LRP1B: variants seen among roughly 807,000 people sequenced by gnomAD.
The protein encoded by LRP1B is LDL receptor related protein 1B.
Under a neutral mutation model 556.6 loss-of-function variants are expected in LRP1B, and 217 were observed. The ratio of observed to expected loss-of-function variants is 0.39; its 90% CI spans 0.35 to 0.44. The LOEUF (loss-of-function observed/expected upper bound fraction) is 0.44, where lower values mean the gene tolerates loss of function less well. Ranked by LOEUF, LRP1B falls within the 20% of genes least tolerant of loss-of-function variation. The pLI, the probability that LRP1B is intolerant of heterozygous loss-of-function variation, is 1.00. For synonymous variants in LRP1B, 2,047 were observed against 1,865.8 expected, an observed-to-expected ratio of 1.10 and a Z score of -2.50; for missense variants, 5,053 against 5,620.8, an observed-to-expected ratio of 0.90 and a Z score of 3.23.
chr2:140,447,399 T>G (rs888474051), intron 63 of LRP1B, among the ~76,000 whole-genome samples: 1 of 152,118 alleles, frequency 6.6e-6, no homozygotes, highest in African/African-American at 2.4e-5. Context: ...TCATACTTTT[T>G]TTTTTGGTTT....
chr2:141,371,048 A>C (rs1689213694), intron 3 of LRP1B, among the ~76,000 whole-genome samples: 1 of 151,982 alleles, frequency 6.6e-6, no homozygotes, highest in Admixed American at 6.6e-5. Context: ...CAGTGGCGTG[A>C]TCTCGGCTCA....
chr2:140,803,169 C>T (rs1429963602), intron 32 of LRP1B, among the ~76,000 whole-genome samples: 2 of 151,492 alleles, frequency 1.3e-5, no homozygotes. Context: ...TTTCTAATGC[C>T]ATGGCATTAT....
intron 66 of LRP1B, among the ~76,000 whole-genome samples, chr2:140,411,518 C>A (rs1684968324): frequency 6.6e-6 from 1 of 152,036 alleles, no homozygotes; most frequent in Admixed American, 6.6e-5. Flanking sequence ...CACAAATAAT[C>A]TAATCCAAGT....
In LRP1B at chr2:140,784,245, C is replaced by T. The variant is rs184860937; in HGVS notation, c.5360-8007G>A. Among the ~76,000 whole-genome samples the T allele has an allele frequency of 3.1e-4, 47 of 152,102 alleles. No homozygotes were observed. The East Asian group carries it at 8.3e-3, about 27-fold the overall frequency. On this transcript the variant is annotated intron_variant, in intron 32 of 90. Transcript: ENST00000389484. ...TAACTGCTAAATTAGACCTCAGTCC[C>T]CTACCCTGACTTTTGGGGAGGCTGA...
intron 41 of LRP1B, among the ~76,000 whole-genome samples, chr2:140,634,995 C>A (rs1402336900): frequency 6.6e-6 from 1 of 152,006 alleles, no homozygotes; most frequent in Admixed American, 6.6e-5. Context: ...TCAATTGTAA[C>A]AAACACATGA....
intron 29 of LRP1B, among the ~76,000 whole-genome samples, chr2:140,843,557 A>G (rs1692186622): frequency 6.6e-6 from 1 of 152,110 alleles, no homozygotes; most frequent in Non-Finnish European, 1.5e-5. Flanking sequence ...CACTTTAACC[A>G]TATTAATATG....
At chr2:141,329,029 A>T (rs550443126) in intron 3 of LRP1B, among the ~76,000 whole-genome samples, 2 of 152,338 alleles carry the variant, frequency 1.3e-5, no homozygotes, top group East Asian at 3.9e-4. Flanking sequence ...TTTCAACTCT[A>T]ATTGCAATGA....
At chr2:141,710,491 A>G (rs926288597) in intron 2 of LRP1B, among the ~76,000 whole-genome samples, 7 of 152,158 alleles carry the variant, frequency 4.6e-5, no homozygotes, top group African/African-American at 1.7e-4. Flanking sequence ...GCTTTTGAGC[A>G]TGGAAATGTG....
intron 7 of LRP1B, among the ~76,000 whole-genome samples, chr2:141,101,358 T>C (rs981211732): frequency 1.6e-4 from 25 of 152,072 alleles, no homozygotes; most frequent in Non-Finnish European, 2.9e-4. Flanking sequence ...CATCTCTATC[T>C]CACCACTCTA....
At chr2:141,240,359 T>C (rs1017780049) in intron 5 of LRP1B, among the ~76,000 whole-genome samples, 1 of 131,410 alleles carries the variant, frequency 7.6e-6, no homozygotes, top group Non-Finnish European at 1.7e-5. Context: ...AAATCAATTT[T>C]TTTTTCTTAA....
chr2:140,808,691 CT>C (rs1690814252), intron 32 of LRP1B, among the ~76,000 whole-genome samples: 1 of 152,132 alleles, frequency 6.6e-6, no homozygotes, highest in Admixed American at 6.5e-5. Context: ...ATAGTGAGCA[CT>C]GATAAATGCT....
intron 2 of LRP1B, among the ~76,000 whole-genome samples, chr2:141,768,447 A>C (rs1056327208): frequency 6.6e-6 from 1 of 152,088 alleles, no homozygotes; most frequent in Non-Finnish European, 1.5e-5. Flanking sequence ...TTCCAGTATA[A>C]GTTTTAAAGG....
At chr2:140,907,803 A>G in intron 22 of LRP1B, 74 bp downstream of exon 22, 2 of 1,248,606 alleles carry the variant, frequency 1.6e-6, no homozygotes, top group East Asian at 2.3e-5. Flanking sequence ...GAATGCTACT[A>G]TATTAAGTAA....
chr2:140,765,176 C>G (rs1242545514), intron 35 of LRP1B, among the ~76,000 whole-genome samples: 1 of 152,006 alleles, frequency 6.6e-6, no homozygotes, highest in Non-Finnish European at 1.5e-5. Flanking sequence ...AAGTTCTAAA[C>G]CTGGTAGCTA....
chr2:141,825,525 T>G (rs1293783424), intron 1 of LRP1B, among the ~76,000 whole-genome samples: 1 of 152,212 alleles, frequency 6.6e-6, no homozygotes, highest in African/African-American at 2.4e-5. Flanking sequence ...GCTGGTTACT[T>G]TTTTTGTAGA....
In LRP1B at chr2:140,821,998, CA is replaced by C. The variant is rs374956852; in HGVS notation, c.5210-8193del. On this transcript the variant is annotated intron_variant, in intron 31 of 90. Transcript: ENST00000389484. The stretch of plus-strand genomic sequence containing the variant: ...TGGGCGACAGAGTGAGACTCCGTCT[CA>C]AAAAAAAAAGAAAAAAAAAGAATAA... Among the ~76,000 whole-genome samples the C allele has an allele frequency of 1.9e-4, 23 of 117,952 alleles. No homozygotes were observed. In the South Asian group the frequency reaches 4.8e-3, roughly 25 times the overall value. 77.4% of individuals were successfully genotyped at this position (117,952 alleles called of 152,430 possible).
At chr2:140,373,758 A>G (rs1488786407) in intron 68 of LRP1B, among the ~76,000 whole-genome samples, 2 of 152,150 alleles carry the variant, frequency 1.3e-5, no homozygotes, top group Non-Finnish European at 2.9e-5. Flanking sequence ...ACTCGAGTCT[A>G]GGCAACATAG....
intron 1 of LRP1B, among the ~76,000 whole-genome samples, chr2:141,897,403 C>T (rs1699485079): frequency 1.3e-5 from 2 of 152,112 alleles, no homozygotes; most frequent in African/African-American, 4.8e-5. Flanking sequence ...GCTGATATTG[C>T]CTCATCAAGT....
chr2:140,280,829 A>G (rs1682883323), intron 84 of LRP1B, among the ~76,000 whole-genome samples: 1 of 151,882 alleles, frequency 6.6e-6, no homozygotes. Flanking sequence ...TAATAATGAA[A>G]TGTAACTAAT....
Sources: gnomAD v4.1 joint callset for allele counts (sites outside exome capture counted in the v4.1 genomes callset) on GRCh38, gnomAD v4.1.1 for gene constraint, MANE v1.5 for transcripts, NCBI Gene and HGNC (gene_info 2026-07-23, HGNC 2026-07-21) for gene names.